The following AKT3 variants were observed in gnomAD, a reference collection of about 807,000 sequenced individuals.
The protein encoded by AKT3 is RAC-gamma serine/threonine-protein kinase.
AKT3 carries 15 observed loss-of-function variants against 65.3 expected under a neutral mutation model. That is an observed-to-expected ratio of 0.23 (90% CI 0.15 to 0.35). AKT3 has a LOEUF of 0.35. Among genes scored for constraint, AKT3 ranks in the 10% least tolerant of loss-of-function variants. The pLI, the probability that AKT3 is intolerant of heterozygous loss-of-function variation, is 1.00. For synonymous variants in AKT3, 206 were observed against 183.8 expected (o/e 1.12, Z -0.98); for missense variants, 243 against 576.5 (o/e 0.42, Z 5.92).
chr1:243,742,632 A>C (rs189946812), intron 2 of AKT3, among the ~76,000 whole-genome samples: 12 of 152,300 alleles, frequency 7.9e-5, no homozygotes, highest in African/African-American at 2.6e-4. Context: ...CTCAATAAAT[A>C]AATAAAACTC....
chr1:243,783,004 G>A (rs1381266665), intron 2 of AKT3, among the ~76,000 whole-genome samples: 1 of 152,152 alleles, frequency 6.6e-6, no homozygotes, highest in African/African-American at 2.4e-5. Flanking sequence ...CTAGCACAGA[G>A]CTCCTAAAGC....
chr1:243,744,167 A>T (rs947935560), intron 2 of AKT3, among the ~76,000 whole-genome samples: 12 of 152,242 alleles, frequency 7.9e-5, no homozygotes, highest in Non-Finnish European at 1.3e-4. Flanking sequence ...ACAAACAACA[A>T]CATCAATAAA....
intron 4 of AKT3, among the ~76,000 whole-genome samples, chr1:243,649,357 G>GTGTGTGTA (rs1405251441): frequency 2.7e-5 from 4 of 147,856 alleles, no homozygotes; most frequent in African/African-American, 1.0e-4. Flanking sequence ...GTGTGTGTGT[G>GTGTGTGTA]TATGTTGGGT....
rs569106870 is a variant in AKT3 at position 243,731,094 on chromosome 1, A to G, written c.47-35378T>C. 1.5e-3 allele frequency among the ~76,000 whole-genome samples: 231 copies of G among 152,320 alleles called. 1 individual carries two copies. Among genetic ancestry groups the G allele is most frequent in the African/African-American group, 5.3e-3 (221 of 41,576 alleles). Reference sequence around the variant, plus strand: ...TCAAGCAGGGGCGCCACAGGCCACAATGGTTCCCGGCTGGCAGAGTGACAC... The same window carrying G: ...TCAAGCAGGGGCGCCACAGGCCACAGTGGTTCCCGGCTGGCAGAGTGACAC... On this transcript the variant is annotated intron_variant, in intron 2 of 13. Coordinates refer to ENST00000673466, the MANE Select transcript of AKT3 (RefSeq NM_005465.7).
At chr1:243,656,895 T>C (rs915433036) in intron 4 of AKT3, among the ~76,000 whole-genome samples, 4 of 152,198 alleles carry the variant, frequency 2.6e-5, no homozygotes, top group African/African-American at 9.7e-5. Context: ...ATACAAATCA[T>C]ATTTAACAGT....
chr1:243,711,771 T>C (rs945250879), intron 2 of AKT3, among the ~76,000 whole-genome samples: 18 of 152,218 alleles, frequency 1.2e-4, no homozygotes, highest in African/African-American at 4.3e-4. Flanking sequence ...CACATTTAAA[T>C]AGTTTAAGTG....
intron 10 of AKT3, among the ~76,000 whole-genome samples, chr1:243,558,888 A>G (rs1202138802): frequency 6.6e-6 from 1 of 152,058 alleles, no homozygotes; most frequent in African/African-American, 2.4e-5. Flanking sequence ...CGCACTTAAC[A>G]CTTTTAATTT....
intron 2 of AKT3, among the ~76,000 whole-genome samples, chr1:243,795,718 G>A (rs1040997449): frequency 5.3e-5 from 8 of 151,638 alleles, no homozygotes; most frequent in African/African-American, 1.7e-4. Flanking sequence ...TGATCCACCC[G>A]CCTCGGCCTC....
At chr1:243,526,769 A>C (rs1671114634) in intron 12 of AKT3, among the ~76,000 whole-genome samples, 1 of 116,150 alleles carries the variant, frequency 8.6e-6, no homozygotes, top group South Asian at 2.9e-4. Flanking sequence ...GCTGCACTAC[A>C]AAAAATGGTT....
At chr1:243,643,896 T>C (rs1048170487) in intron 5 of AKT3, among the ~76,000 whole-genome samples, 3 of 152,214 alleles carry the variant, frequency 2.0e-5, no homozygotes, top group Non-Finnish European at 2.9e-5. Flanking sequence ...ATAATTGATA[T>C]ACATAAGGGT....
intron 12 of AKT3, among the ~76,000 whole-genome samples, chr1:243,521,571 A>G (rs1670722512): frequency 6.6e-6 from 1 of 152,236 alleles, no homozygotes; most frequent in Non-Finnish European, 1.5e-5. Flanking sequence ...ATAAAACTAG[A>G]AACTAAAATA....
intron 4 of AKT3, among the ~76,000 whole-genome samples, chr1:243,664,417 G>A (rs187530698): frequency 6.6e-6 from 1 of 151,426 alleles, no homozygotes; most frequent in East Asian, 1.9e-4. Flanking sequence ...TGTCAGCCAG[G>A]ATAGTCTCGA....
chr1:243,816,439 A>G (rs1469543442), intron 2 of AKT3, among the ~76,000 whole-genome samples: 1 of 152,226 alleles, frequency 6.6e-6, no homozygotes, highest in African/African-American at 2.4e-5. Context: ...GGTCACTAAC[A>G]TAACATGGTA....
intron 2 of AKT3, among the ~76,000 whole-genome samples, chr1:243,828,139 G>A (rs79635869): frequency 0.026 from 3,981 of 152,080 alleles, 167 homozygotes; most frequent in African/African-American, 0.091. Flanking sequence ...AGTAAACAAT[G>A]GGTGAGTTAA....
At chr1:243,790,532 T>C (rs2148334538) in intron 2 of AKT3, among the ~76,000 whole-genome samples, 1 of 152,324 alleles carries the variant, frequency 6.6e-6, no homozygotes, top group East Asian at 1.9e-4. Context: ...CCCAGACCAC[T>C]CAAACTTTCT....
chr1:243,563,658 A>C, intron 10 of AKT3, 62 bp downstream of exon 10: 1 of 1,527,810 alleles, frequency 6.5e-7, no homozygotes, highest in Non-Finnish European at 8.8e-7. Context: ...TAATGCTTAA[A>C]TGGTTTACTT....
intron 3 of AKT3, chr1:243,687,544 C>T (rs1684406588): frequency 6.6e-6 from 1 of 151,964 alleles, no homozygotes; most frequent in South Asian, 2.1e-4. Context: ...GTTGCTTTCA[C>T]CCCTGGCAGC....
At chr1:243,631,572 A>C (rs541514548) in intron 6 of AKT3, among the ~76,000 whole-genome samples, 2 of 152,340 alleles carry the variant, frequency 1.3e-5, no homozygotes, top group East Asian at 3.9e-4. Context: ...TACAGACATG[A>C]GCCACCATGC....
At chr1:243,488,939 A>G (rs1665697642) in intron 13 of AKT3, 1 of 1,606,544 alleles carries the variant, frequency 6.2e-7, no homozygotes, top group Non-Finnish European at 8.5e-7. Flanking sequence ...GGCTTCCCTC[A>G]GATACACACA....
Sources: gnomAD v4.1 joint callset for allele counts (sites outside exome capture counted in the v4.1 genomes callset) on GRCh38, gnomAD v4.1.1 for gene constraint, MANE v1.5 for transcripts, NCBI Gene and HGNC (gene_info 2026-07-23, HGNC 2026-07-21) for gene names.